Variants in MYPN observed in about 807,000 individuals in gnomAD.
MYPN encodes sarcomeric protein myopalladin, 145 kDa (MYOP).
In MYPN, 63 loss-of-function variants were observed where a neutral mutation model predicts 129.4. That is an observed-to-expected ratio of 0.49 (90% CI 0.40 to 0.60). MYPN has a LOEUF of 0.60. Ranked by LOEUF, MYPN falls within the 20% of genes least tolerant of loss-of-function variation. MYPN has a pLI of 0.00. For synonymous variants in MYPN, 629 were observed against 600.9 expected (o/e 1.05, Z -0.68); for missense variants, 1,596 against 1,635.4 (o/e 0.98, Z 0.42).
intron 2 of MYPN, among the ~76,000 whole-genome samples, chr10:68,127,442 C>A (rs903854466): frequency 7.1e-6 from 1 of 140,540 alleles, no homozygotes; most frequent in Non-Finnish European, 1.5e-5. Flanking sequence ...TCAAGTGATT[C>A]TTCTGCCTCA....
intron 3 of MYPN, among the ~76,000 whole-genome samples, chr10:68,143,511 T>C (rs1474701338): frequency 6.6e-6 from 1 of 151,464 alleles, no homozygotes; most frequent in Admixed American, 6.6e-5. Flanking sequence ...AGGGTGGGAG[T>C]GTGCTTGTCT....
upstream of MYPN, chr10:68,109,145 C>T (rs2042047191): frequency 6.2e-6 from 1 of 161,442 alleles, no homozygotes; most frequent in South Asian, 1.7e-4. Flanking sequence ...AGCCAAATGT[C>T]CTAAAATGTA....
At chr10:68,104,716 A>G (rs963024776), upstream of MYPN, among the ~76,000 whole-genome samples, 13 of 152,178 alleles carry the variant, frequency 8.5e-5, no homozygotes, top group African/African-American at 2.7e-4. Flanking sequence ...AAAAATTACA[A>G]ACTTAAACCC....
chr10:68,174,258 G>A lies in MYPN; in HGVS notation c.2166G>A (p.Arg722=). ...APSSQTFSLA[R]PKYFFPSTNT... is the part of the protein sequence containing the mutation. The stretch of plus-strand genomic sequence containing the variant: ...CATCACAGACGTTCAGCTTGGCCCG[G>A]CCGAAGTATTTCTTCCCCTCCACGA... The change falls in exon 11 of 20, where the codon CGG becomes CGA. Residue 722 remains arginine, a synonymous_variant. Coordinates refer to ENST00000358913, the MANE Select transcript of MYPN (RefSeq NM_032578.4). 6.2e-7 allele frequency: 1 copy of A among 1,614,058 alleles called. No homozygotes were observed. The highest frequency in any genetic ancestry group is 8.5e-7 in the Non-Finnish European group (1 of 1,180,016).
chr10:68,186,088 T>C (rs1262743479), intron 12 of MYPN, among the ~76,000 whole-genome samples: 1 of 152,246 alleles, frequency 6.6e-6, no homozygotes, highest in Non-Finnish European at 1.5e-5. Context: ...ATAATCTTAA[T>C]ATATTTCAAC....
rs71578985 is a variant in MYPN, at chr10:68,121,288, A to T, written c.-1-150A>T. ...GTGAGACCTTCTCTCAAAAATAAAT[A>T]AATTAATTAAAAGTTTGTAAAAGTA... On this transcript the variant is annotated intron_variant, in intron 1 of 19. Transcript: ENST00000358913. 0.12 allele frequency: 84,220 copies of T among 730,496 alleles called. 5,683 individuals carry two copies. The highest frequency in any genetic ancestry group is 0.21 in the South Asian group (9,446 of 45,506). The allele number at this position is 730,496 out of a possible 1,614,324, so 45.3% of individuals were successfully genotyped here. A position where few individuals can be genotyped will look rare whatever the true frequency, so the allele number is the denominator to read the frequency against.
rs35346306 is a variant in MYPN at position 68,133,021 on chromosome 10, A to ATT, written c.903-9898_903-9897dup. On this transcript the variant is annotated intron_variant, in intron 2 of 19. Coordinates refer to ENST00000358913, the MANE Select transcript of MYPN (RefSeq NM_032578.4). ...TATAGAATGCCATGTGTAGACCTCA[A>ATT]TTTTTTTTTTTTTTTTTTTTTTGAG... is the stretch of plus-strand genomic sequence containing the variant. 9.3e-3 allele frequency among the ~76,000 whole-genome samples: 1,083 copies of ATT among 116,178 alleles called. 43 individuals carry two copies. Among genetic ancestry groups the ATT allele is most frequent in the African/African-American group, 0.031 (885 of 28,878 alleles). 76.2% of individuals were successfully genotyped at this position (116,178 alleles called of 152,430 possible).
intron 16 of MYPN, among the ~76,000 whole-genome samples, chr10:68,197,962 AGACGGCAT>A (rs2043639641): frequency 2.6e-5 from 4 of 152,308 alleles, no homozygotes; most frequent in African/African-American, 7.2e-5. Context: ...GGATGGAGTA[AGACGGCAT>A]GAGATTTCAT....
chr10:68,143,693 G>T (rs561831996), intron 3 of MYPN, among the ~76,000 whole-genome samples: 1 of 152,078 alleles, frequency 6.6e-6, no homozygotes, highest in Admixed American at 6.6e-5. Context: ...TAGATGAGAA[G>T]TTCTGGAGCA....
At chr10:68,121,162 C>T (rs886360161) in intron 1 of MYPN, among the ~76,000 whole-genome samples, 9 of 152,116 alleles carry the variant, frequency 5.9e-5, no homozygotes, top group Admixed American at 3.9e-4. Context: ...CCTGTAGTCC[C>T]AGCTACGTGC....
At chr10:68,145,271 C>T (rs1037383015) in intron 3 of MYPN, among the ~76,000 whole-genome samples, 3 of 151,878 alleles carry the variant, frequency 2.0e-5, no homozygotes, top group Non-Finnish European at 4.4e-5. Context: ...TGATCCACCC[C>T]CCTCGGCCTC....
At chr10:68,200,291 A>T (rs10998016) in intron 17 of MYPN, among the ~76,000 whole-genome samples, 8,055 of 152,248 alleles carry the variant, frequency 0.053, 248 homozygotes, top group Middle Eastern at 0.065. Context: ...ATATTGAATC[A>T]ATATCTAAAC....
intron 2 of MYPN, among the ~76,000 whole-genome samples, chr10:68,133,294 G>A (rs1477170602): frequency 6.6e-6 from 1 of 152,010 alleles, no homozygotes; most frequent in Non-Finnish European, 1.5e-5. Context: ...CAAAGTGCTG[G>A]GGTTACAGGT....
rs769432191 is a variant in MYPN, at chr10:68,206,775, A to G, written c.3665A>G (p.His1222Arg). 1 of 1,614,108 alleles carries G rather than the reference A, an allele frequency of 6.2e-7. No individual in the cohort carries two copies. The highest frequency in any genetic ancestry group is 8.5e-7 in the Non-Finnish European group (1 of 1,180,014). The change falls in exon 19 of 20, where the codon CAC becomes CGC. Residue 1222 changes from histidine to arginine, a missense_variant. By Grantham distance (29) the His-to-Arg change is conservative (BLOSUM62 0). Transcript: ENST00000358913. The stretch of plus-strand genomic sequence containing the variant: ...TATTCTCTCTTTTTCTCCAGTATGC[A>G]CCAGGACACAACAGGGTATGCCTGC... Reference protein sequence around the residue: ...IPCTRERISMHQDTTGYACLL... With the variant: ...IPCTRERISMRQDTTGYACLL...
At chr10:68,138,438 T>C (rs192267391) in intron 2 of MYPN, among the ~76,000 whole-genome samples, 57 of 152,006 alleles carry the variant, frequency 3.7e-4, no homozygotes, top group African/African-American at 1.3e-3. Context: ...CTTTTTTTTT[T>C]TTTAATTGCA....
intron 2 of MYPN, among the ~76,000 whole-genome samples, chr10:68,142,687 C>T (rs1433448270): frequency 6.6e-6 from 1 of 152,204 alleles, no homozygotes; most frequent in East Asian, 1.9e-4. Flanking sequence ...GCTGTTCCTG[C>T]TTTCTCACCA....
chr10:68,106,563 TGATACTG>T, upstream of MYPN: 1 of 684,394 alleles, frequency 1.5e-6, no homozygotes, highest in Non-Finnish European at 2.6e-6. Context: ...TTTTTTCATC[TGATACTG>T]GATATGTCAA....
chr10:68,099,954 C>T (rs1005501976), intron 1 of MYPN, among the ~76,000 whole-genome samples: 7 of 152,118 alleles, frequency 4.6e-5, no homozygotes, highest in Non-Finnish European at 1.0e-4. Context: ...TGGGCTTCGG[C>T]GTTGTATGGA....
chr10:68,146,930 G>C (rs1013938316), intron 4 of MYPN, among the ~76,000 whole-genome samples: 15 of 152,124 alleles, frequency 9.9e-5, no homozygotes, highest in African/African-American at 3.6e-4. Flanking sequence ...AGATGCTTTG[G>C]ATACACGGAT....
Sources: allele counts gnomAD v4.1 joint callset (sites outside exome capture counted in the v4.1 genomes callset), GRCh38; gene constraint gnomAD v4.1.1; transcripts MANE v1.5; gene names NCBI Gene and HGNC (gene_info 2026-07-23, HGNC 2026-07-21).